GPHN: variants seen among roughly 807,000 people sequenced by gnomAD.
The protein encoded by GPHN is gephyrin.
Under a neutral mutation model 95.5 loss-of-function variants are expected in GPHN, and 17 were observed. That is an observed-to-expected ratio of 0.18 (90% CI 0.12 to 0.27). GPHN has a LOEUF of 0.27. Ranked by LOEUF, GPHN falls within the 10% of genes least tolerant of loss-of-function variation. The pLI is 1.00. For synonymous variants in GPHN, 320 were observed against 322.5 expected (o/e 0.99, Z 0.08); for missense variants, 660 against 978.1 (o/e 0.67, Z 4.34).
At chr14:67,320,239 A>G in the GPHN span, 1 of 1,608,322 alleles carries the variant, frequency 6.2e-7, no homozygotes, top group Non-Finnish European at 8.5e-7. Context: ...GATTATGACA[A>G]CGAGGAGATC....
At chr14:67,695,693 A>C in the GPHN span, 1 of 1,614,160 alleles carries the variant, frequency 6.2e-7, no homozygotes, top group Non-Finnish European at 8.5e-7. Context: ...CGGGAACATG[A>C]GCTCAACCAT....
At chr14:66,809,429 CA>C (rs1300931058) in intron 3 of GPHN, among the ~76,000 whole-genome samples, 1 of 151,996 alleles carries the variant, frequency 6.6e-6, no homozygotes, top group African/African-American at 2.4e-5. Flanking sequence ...AAGTACTTAG[CA>C]AAGTACTTAC....
the GPHN span, among the ~76,000 whole-genome samples, chr14:67,264,295 G>A: frequency 6.6e-6 from 1 of 152,096 alleles, no homozygotes; most frequent in Non-Finnish European, 1.5e-5. Flanking sequence ...AACATATGTA[G>A]CACAGTGTTG....
the GPHN span, chr14:67,387,328 G>C: frequency 3.1e-6 from 5 of 1,609,016 alleles, no homozygotes; most frequent in Non-Finnish European, 4.2e-6. Flanking sequence ...TCAGGTCCTT[G>C]TCATGTTAGC....
the GPHN span, chr14:67,365,097 T>TAAAAAA: frequency 8.1e-7 from 1 of 1,227,226 alleles, no homozygotes; most frequent in Non-Finnish European, 1.1e-6. Flanking sequence ...AGCTGCAGCT[T>TAAAAAA]AAAAAAAAAA....
At chr14:67,232,423 G>C in the GPHN span, among the ~76,000 whole-genome samples, 4 of 152,212 alleles carry the variant, frequency 2.6e-5, no homozygotes, top group Non-Finnish European at 5.9e-5. Flanking sequence ...TCCCAGTCAT[G>C]CCTTCAGGTG....
intron 3 of GPHN, among the ~76,000 whole-genome samples, chr14:66,786,780 G>A (rs2059791684): frequency 6.6e-6 from 1 of 151,976 alleles, no homozygotes; most frequent in Admixed American, 6.5e-5. Context: ...AAAATCAAAT[G>A]ATCATATCGA....
chr14:66,841,982 G>A (rs2062109313), intron 4 of GPHN, among the ~76,000 whole-genome samples: 1 of 152,052 alleles, frequency 6.6e-6, no homozygotes, highest in Non-Finnish European at 1.5e-5. Context: ...GAACCCAAGA[G>A]GCAAGGTTTG....
chr14:66,873,533 C>A (rs2153529208), intron 4 of GPHN, among the ~76,000 whole-genome samples: 1 of 152,336 alleles, frequency 6.6e-6, no homozygotes, highest in South Asian at 2.1e-4. Flanking sequence ...TCATTGCCAG[C>A]ACAGCAGTCT....
the GPHN span, chr14:67,334,832 CCAGTTTACGTCT>C: frequency 6.6e-6 from 1 of 152,196 alleles, no homozygotes; most frequent in Non-Finnish European, 1.5e-5. Flanking sequence ...TTTCAGTTTT[CCAGTTTACGTCT>C]CAGGAATGAA....
rs1462190506 is a variant in GPHN, at chr14:67,144,240, AAAAAAAAAAAAT to A, written c.1836+793_1836+804del. On this transcript the variant is annotated intron_variant, in intron 18 of 22. Coordinates refer to ENST00000478722, the MANE Select transcript of GPHN (RefSeq NM_020806.5). ...CAACACAGCAAGACCCTGTCTTAAA[AAAAAAAAAAAAT>A]ATATATATATATATATATATATATA... Among the ~76,000 whole-genome samples, 398 of 54,504 alleles carry A rather than the reference AAAAAAAAAAAAT, an allele frequency of 7.3e-3. 86 individuals are homozygous for A. Among genetic ancestry groups the A allele is most frequent in the African/African-American group, 0.047 (365 of 7,702 alleles). 35.8% of individuals were successfully genotyped at this position (54,504 alleles called of 152,430 possible). A position where few individuals can be genotyped will look rare whatever the true frequency, so the allele number is the denominator to read the frequency against.
chr14:66,604,843 T>G, intron 1 of GPHN, among the ~76,000 whole-genome samples: 1 of 149,934 alleles, frequency 6.7e-6, no homozygotes. Flanking sequence ...TTCAGCCCAT[T>G]TCCCCCTCCC....
intron 12 of GPHN, among the ~76,000 whole-genome samples, chr14:67,090,971 TA>T (rs563303764): frequency 4.0e-4 from 58 of 145,776 alleles, no homozygotes; most frequent in East Asian, 7.9e-4. Context: ...GGCACACATT[TA>T]AAAAAAAAAA....
chr14:66,998,369 A>G (rs1008593079), intron 9 of GPHN, among the ~76,000 whole-genome samples: 2 of 152,184 alleles, frequency 1.3e-5, no homozygotes, highest in Non-Finnish European at 2.9e-5. Context: ...ATAAAGACCA[A>G]TAAAATGAAG....
the GPHN span, chr14:67,382,338 C>T: frequency 1.8e-5 from 18 of 999,528 alleles, no homozygotes; most frequent in East Asian, 1.3e-4. Flanking sequence ...TTGGCAATTA[C>T]GTTTTGGGGT....
intron 1 of GPHN, among the ~76,000 whole-genome samples, chr14:66,529,230 T>C (rs1202316133): frequency 6.6e-6 from 1 of 151,994 alleles, no homozygotes; most frequent in African/African-American, 2.4e-5. Flanking sequence ...CAATCTCTGA[T>C]ATCATTTCTT....
the GPHN span, among the ~76,000 whole-genome samples, chr14:67,504,160 C>T: frequency 6.6e-6 from 1 of 152,012 alleles, no homozygotes; most frequent in Non-Finnish European, 1.5e-5. Context: ...ATTACAGGCG[C>T]CCACCACCAT....
At chr14:66,742,987 T>A (rs1455966383) in intron 2 of GPHN, among the ~76,000 whole-genome samples, 1 of 94,256 alleles carries the variant, frequency 1.1e-5, no homozygotes, top group South Asian at 4.1e-4. Flanking sequence ...GATGCATTTC[T>A]TTTTTTTTAA....
At chr14:66,586,238 T>C (rs1309046426) in intron 1 of GPHN, among the ~76,000 whole-genome samples, 1 of 152,108 alleles carries the variant, frequency 6.6e-6, no homozygotes, top group Non-Finnish European at 1.5e-5. Flanking sequence ...TTTCCATTGG[T>C]TTGGTAGATC....
Sources: allele counts gnomAD v4.1 joint callset (sites outside exome capture counted in the v4.1 genomes callset), GRCh38; gene constraint gnomAD v4.1.1; transcripts MANE v1.5; gene names NCBI Gene and HGNC (gene_info 2026-07-23, HGNC 2026-07-21).